PRIM2: variants seen among roughly 807,000 people sequenced by gnomAD.
PRIM2 encodes the protein DNA primase subunit 2.
A neutral mutation model predicts 67.3 loss-of-function variants in PRIM2; 39 were observed. That is an observed-to-expected ratio of 0.58 (90% CI 0.45 to 0.76). The LOEUF is 0.76. Ranked by LOEUF, PRIM2 falls within the 30% of genes least tolerant of loss-of-function variation. The probability of loss-of-function intolerance (pLI) is 0.00; values close to 1 mark genes in which losing one functional copy is unlikely to be tolerated. For missense variants in PRIM2, 398 were observed against 598.7 expected, an observed-to-expected ratio of 0.66 and a Z score of 3.50; for synonymous variants, 143 against 198.7, an observed-to-expected ratio of 0.72 and a Z score of 2.36.
At chr6:57,274,363 A>G in the PRIM2 span, among the ~76,000 whole-genome samples, 2 of 152,138 alleles carry the variant, frequency 1.3e-5, no homozygotes, top group African/African-American at 2.4e-5. Context: ...GCGGCCTTGC[A>G]GTTTGATCTC....
chr6:57,350,879 A>C (rs2127300673), intron 5 of PRIM2, among the ~76,000 whole-genome samples: 1 of 152,202 alleles, frequency 6.6e-6, no homozygotes, highest in East Asian at 1.9e-4. Context: ...TTTCAAGGAA[A>C]TGTGCTCATG....
At chr6:57,464,866 T>G (rs1773134315) in intron 7 of PRIM2, among the ~76,000 whole-genome samples, 1 of 152,208 alleles carries the variant, frequency 6.6e-6, no homozygotes. Flanking sequence ...CATTTAATCT[T>G]AACAGTATAC....
chr6:57,309,232 TGC>T, the PRIM2 span, among the ~76,000 whole-genome samples: 1 of 150,718 alleles, frequency 6.6e-6, no homozygotes, highest in African/African-American at 2.4e-5. Context: ...GCTGGTGCAC[TGC>T]ACCCACTAAC....
the PRIM2 span, among the ~76,000 whole-genome samples, chr6:57,277,741 G>C: frequency 2.0e-5 from 3 of 152,084 alleles, no homozygotes; most frequent in African/African-American, 7.2e-5. Flanking sequence ...AGCAATTTGG[G>C]AGGCCAAGGC....
chr6:57,609,762 A>G, intron 12 of PRIM2, among the ~76,000 whole-genome samples: 1 of 152,188 alleles, frequency 6.6e-6, no homozygotes, highest in Non-Finnish European at 1.5e-5. Flanking sequence ...AGCTGTAAAT[A>G]ATATCTTGCT....
At chr6:57,424,585 A>G (rs1365795132) in intron 7 of PRIM2, among the ~76,000 whole-genome samples, 1 of 152,210 alleles carries the variant, frequency 6.6e-6, no homozygotes, top group African/African-American at 2.4e-5. Context: ...ACTTTATCAA[A>G]TTTGGGAAAC....
chr6:57,285,989 A>G, the PRIM2 span, among the ~76,000 whole-genome samples: 2 of 152,352 alleles, frequency 1.3e-5, no homozygotes, highest in African/African-American at 4.8e-5. Context: ...CCAAATCATG[A>G]GTGAACTCCC....
intron 10 of PRIM2, among the ~76,000 whole-genome samples, chr6:57,539,392 G>C (rs1289760494): frequency 6.6e-6 from 1 of 151,962 alleles, no homozygotes; most frequent in Non-Finnish European, 1.5e-5. Flanking sequence ...ATCTTAATGA[G>C]TTACATAATA....
chr6:57,555,907 C>T (rs1287158915), intron 10 of PRIM2, among the ~76,000 whole-genome samples: 5 of 152,134 alleles, frequency 3.3e-5, no homozygotes, highest in Admixed American at 6.5e-5. Flanking sequence ...AGAAAAAGTC[C>T]GTGATTCTCA....
chr6:57,400,653 A>G (rs1003280622), intron 7 of PRIM2, among the ~76,000 whole-genome samples: 2 of 152,204 alleles, frequency 1.3e-5, no homozygotes, highest in African/African-American at 4.8e-5. Context: ...CTCTCTCACA[A>G]GATTAGGAAA....
At chr6:57,485,134 A>G (rs1446595579) in intron 7 of PRIM2, among the ~76,000 whole-genome samples, 1 of 152,000 alleles carries the variant, frequency 6.6e-6, no homozygotes, top group Non-Finnish European at 1.5e-5. Context: ...AGAGGGGTGA[A>G]TATCCATGGT....
intron 7 of PRIM2, among the ~76,000 whole-genome samples, chr6:57,437,180 A>G (rs906884552): frequency 1.3e-5 from 2 of 152,176 alleles, no homozygotes; most frequent in Non-Finnish European, 2.9e-5. Flanking sequence ...CTAGATCTCA[A>G]GAAAACTCAG....
intron 5 of PRIM2, among the ~76,000 whole-genome samples, chr6:57,347,107 C>T (rs1768702359): frequency 6.6e-6 from 1 of 152,166 alleles, no homozygotes; most frequent in African/African-American, 2.4e-5. Flanking sequence ...TCCTGTTCAT[C>T]TCTGGTCAAA....
intron 7 of PRIM2, among the ~76,000 whole-genome samples, chr6:57,455,228 A>C (rs1271928076): frequency 1.3e-5 from 2 of 152,096 alleles, no homozygotes; most frequent in Non-Finnish European, 2.9e-5. Context: ...TTTTGGAATA[A>C]GTGAGGTGTG....
chr6:57,474,195 T>C (rs2127402927), intron 7 of PRIM2, among the ~76,000 whole-genome samples: 1 of 38,536 alleles, frequency 2.6e-5, no homozygotes, highest in African/African-American at 2.3e-4. Context: ...TTTTTTTTTT[T>C]TTTTTTTTGA....
chr6:57,543,106 A>AT (rs1775209625), intron 10 of PRIM2, among the ~76,000 whole-genome samples: 9 of 145,956 alleles, frequency 6.2e-5, no homozygotes, highest in African/African-American at 1.8e-4. Context: ...CGCCCGGCTA[A>AT]GTTTTTGTAT....
At chr6:57,251,424 C>T in the PRIM2 span, among the ~76,000 whole-genome samples, 16 of 152,178 alleles carry the variant, frequency 1.1e-4, no homozygotes, top group Non-Finnish European at 2.1e-4. Flanking sequence ...TGTTCTCTGC[C>T]TGTGCAGTCA....
the PRIM2 span, among the ~76,000 whole-genome samples, chr6:57,307,208 T>C: frequency 2.0e-5 from 3 of 151,268 alleles, no homozygotes; most frequent in African/African-American, 4.9e-5. Flanking sequence ...AACAAGATTC[T>C]GTCTCAAAAA....
the PRIM2 span, among the ~76,000 whole-genome samples, chr6:57,223,137 TAC>T: frequency 6.6e-6 from 1 of 152,274 alleles, no homozygotes; most frequent in South Asian, 2.1e-4. Flanking sequence ...CATCTGCAAT[TAC>T]AGGCAATAAC....
Sources: allele counts gnomAD v4.1 joint callset (sites outside exome capture counted in the v4.1 genomes callset), GRCh38; gene constraint gnomAD v4.1.1; transcripts MANE v1.5; gene names NCBI Gene and HGNC (gene_info 2026-07-23, HGNC 2026-07-21).